The following FAM193A variants were observed in gnomAD, a reference collection of about 807,000 sequenced individuals.
FAM193A encodes protein FAM193A.
In FAM193A, 22 loss-of-function variants were observed where a neutral mutation model predicts 126.5. The ratio of observed to expected loss-of-function variants is 0.17; its 90% CI spans 0.12 to 0.25. The LOEUF is 0.25. FAM193A is among the 10% of genes least tolerant of loss of function. FAM193A has a pLI of 1.00. For synonymous variants in FAM193A, 761 were observed against 646.8 expected (o/e 1.18, Z -2.68); for missense variants, 1,675 against 1,672.8 (o/e 1.00, Z -0.02).
intron 13 of FAM193A, among the ~76,000 whole-genome samples, chr4:2,682,094 C>T (rs1715211267): frequency 6.6e-6 from 1 of 150,874 alleles, no homozygotes; most frequent in African/African-American, 2.4e-5. Context: ...ACACCATTCT[C>T]CTGCCTCAGC....
intron 1 of FAM193A, among the ~76,000 whole-genome samples, chr4:2,555,229 A>T (rs184738536): frequency 2.4e-4 from 36 of 152,342 alleles, no homozygotes; most frequent in African/African-American, 8.4e-4. Flanking sequence ...GACACAAGCC[A>T]TCTTCATTTT....
chr4:2,697,695 C>T (rs994424868), intron 18 of FAM193A, among the ~76,000 whole-genome samples: 1 of 152,236 alleles, frequency 6.6e-6, no homozygotes, highest in African/African-American at 2.4e-5. Flanking sequence ...AAGAGCTCTG[C>T]TCATACCTCG....
intron 8 of FAM193A, 112 bp from the exon 9 acceptor site, chr4:2,659,446 G>A (rs1037360348): frequency 1.1e-5 from 8 of 754,302 alleles, no homozygotes; most frequent in Non-Finnish European, 1.6e-5. Flanking sequence ...CTGTCCCGCT[G>A]AGGAAGCAGT....
At chr4:2,660,289 C>T (rs537217441) in intron 10 of FAM193A, among the ~76,000 whole-genome samples, 1 of 151,926 alleles carries the variant, frequency 6.6e-6, no homozygotes, top group East Asian at 1.9e-4. Flanking sequence ...AAAGAAAAAA[C>T]ATGTTGGTAT....
At chr4:2,544,436 C>G (rs1463070641) in intron 1 of FAM193A, among the ~76,000 whole-genome samples, 3 of 152,106 alleles carry the variant, frequency 2.0e-5, no homozygotes, top group Non-Finnish European at 4.4e-5. Flanking sequence ...GGCGCTGTGG[C>G]TCACACCTGT....
chr4:2,624,593 G>A (rs560923437), intron 2 of FAM193A, among the ~76,000 whole-genome samples: 73 of 152,232 alleles, frequency 4.8e-4, no homozygotes, highest in Non-Finnish European at 9.6e-4. Context: ...TCAGGCAACC[G>A]TGGGCATATC....
chr4:2,549,759 A>C lies in FAM193A; in HGVS notation c.255+12589A>C, dbSNP rs530527055. On this transcript the variant is annotated intron_variant, in intron 1 of 20. Transcript: ENST00000637812. ...TTTGTTTTCTTTGAGATGGAGTCTCACTCTGTCTCCCAGGCTGGGGTGCAG... is the reference window on the plus strand; with the variant it reads ...TTTGTTTTCTTTGAGATGGAGTCTCCCTCTGTCTCCCAGGCTGGGGTGCAG... Among the ~76,000 whole-genome samples, 13 of 134,452 alleles carry C rather than the reference A, an allele frequency of 9.7e-5. No individual in the cohort carries two copies. In the Admixed American group the frequency reaches 1.0e-3, roughly 10 times the overall value. The allele number at this position is 134,452 out of a possible 152,430, so 88.2% of individuals were successfully genotyped here.
intron 1 of FAM193A, among the ~76,000 whole-genome samples, chr4:2,563,599 T>C (rs1291816136): frequency 6.6e-6 from 1 of 151,474 alleles, no homozygotes; most frequent in Admixed American, 6.6e-5. Flanking sequence ...TCAGAGATAA[T>C]GCTAATAGTG....
chr4:2,651,482 C>T (rs1745661069), intron 7 of FAM193A, among the ~76,000 whole-genome samples: 1 of 152,170 alleles, frequency 6.6e-6, no homozygotes, highest in Non-Finnish European at 1.5e-5. Context: ...GCACGTCTTA[C>T]ACAGTGGCAG....
chr4:2,563,571 C>T (rs563565631), intron 1 of FAM193A, among the ~76,000 whole-genome samples: 6 of 151,980 alleles, frequency 3.9e-5, no homozygotes, highest in African/African-American at 1.4e-4. Context: ...AACAAGTAGT[C>T]TTCAAAGAAA....
chr4:2,577,422 G>GTTTTTTTTTTTTTTTTTTTTTTTTT lies in FAM193A; in HGVS notation c.256-18648_256-18647insTTTTTTTTTTTTTTTTTTTTTTTTT, dbSNP rs986931980. Among the ~76,000 whole-genome samples, 155 of 115,514 alleles carry GTTTTTTTTTTTTTTTTTTTTTTTTT rather than the reference G, an allele frequency of 1.3e-3. 11 individuals carry two copies. The highest frequency in any genetic ancestry group is 0.011 in the Middle Eastern group (2 of 178). The allele number at this position is 115,514 out of a possible 152,430, so 75.8% of individuals were successfully genotyped here. On this transcript the variant is annotated intron_variant, in intron 1 of 20. Transcript: ENST00000637812. ...ACTCAATTAAAGTGGTTTTTTTTTT[G>GTTTTTTTTTTTTTTTTTTTTTTTTT]TTTTTTTTTTTTTTGAGACAGAGTC...
chr4:2,594,820 C>CTTTTTTTTTTTTTTTTTTTTTT (rs386399069), intron 1 of FAM193A, among the ~76,000 whole-genome samples: 2 of 62,210 alleles, frequency 3.2e-5, no homozygotes, highest in African/African-American at 7.9e-5. Context: ...TTTTCTTTTC[C>CTTTTTTTTTTTTTTTTTTTTTT]TTTTTTTTTT....
chr4:2,655,741 G>C (rs867192976), intron 7 of FAM193A, among the ~76,000 whole-genome samples: 1 of 151,942 alleles, frequency 6.6e-6, no homozygotes, highest in African/African-American at 2.4e-5. Flanking sequence ...GGCCAACCTG[G>C]GCAACATAGG....
chr4:2,680,059 C>T (rs1334030497), intron 13 of FAM193A, among the ~76,000 whole-genome samples: 1 of 151,256 alleles, frequency 6.6e-6, no homozygotes, highest in Non-Finnish European at 1.5e-5. Flanking sequence ...CGGGGTTTTG[C>T]CATGTTGGCC....
chr4:2,586,092 A>G (rs964909195), intron 1 of FAM193A, among the ~76,000 whole-genome samples: 2 of 151,736 alleles, frequency 1.3e-5, no homozygotes, highest in African/African-American at 2.4e-5. Flanking sequence ...AAAAAGACAA[A>G]ATTAGCCAGG....
intron 6 of FAM193A, among the ~76,000 whole-genome samples, chr4:2,641,788 T>C (rs1016446370): frequency 6.6e-6 from 1 of 151,800 alleles, no homozygotes; most frequent in Non-Finnish European, 1.5e-5. Flanking sequence ...AGAAAGCAAT[T>C]AGGTAAAAGA....
chr4:2,564,508 A>G (rs1738814627), intron 1 of FAM193A, among the ~76,000 whole-genome samples: 1 of 152,188 alleles, frequency 6.6e-6, no homozygotes, highest in African/African-American at 2.4e-5. Context: ...CACCTCTGCC[A>G]CAAGTATCTA....
chr4:2,577,422 G>GTTTTT (rs986931980), intron 1 of FAM193A, among the ~76,000 whole-genome samples: 9 of 115,542 alleles, frequency 7.8e-5, no homozygotes, highest in African/African-American at 2.0e-4. Context: ...TTTTTTTTTT[G>GTTTTT]TTTTTTTTTT....
intron 17 of FAM193A, among the ~76,000 whole-genome samples, chr4:2,695,992 C>T (rs1026685723): frequency 6.6e-6 from 1 of 152,028 alleles, no homozygotes; most frequent in Non-Finnish European, 1.5e-5. Flanking sequence ...CGCACCACTG[C>T]ACTCCAACCT....
Sources: gnomAD v4.1 joint callset for allele counts (sites outside exome capture counted in the v4.1 genomes callset) on GRCh38, gnomAD v4.1.1 for gene constraint, MANE v1.5 for transcripts, NCBI Gene and HGNC (gene_info 2026-07-23, HGNC 2026-07-21) for gene names.